Variants in SEPTIN9 observed in about 807,000 individuals in gnomAD.
The protein encoded by SEPTIN9 is septin 9.
In SEPTIN9, 13 loss-of-function variants were observed where a neutral mutation model predicts 56.6. The observed-to-expected ratio is 0.23, with a 90% CI of 0.15 to 0.37. SEPTIN9 has a LOEUF of 0.37. Ranked by LOEUF, SEPTIN9 falls within the 10% of genes least tolerant of loss-of-function variation. The pLI is 1.00. For missense variants in SEPTIN9, 650 were observed against 823.1 expected, an observed-to-expected ratio of 0.79 and a Z score of 2.57; for synonymous variants, 332 against 334.1, an observed-to-expected ratio of 0.99 and a Z score of 0.07.
At chr17:77,497,283 G>T in intron 10 of SEPTIN9, 32 bp from the exon 11 acceptor site, 1 of 1,607,072 alleles carries the variant, frequency 6.2e-7, no homozygotes, top group Non-Finnish European at 8.5e-7. Flanking sequence ...TCTCCACTGG[G>T]ACATTAAAGC....
At chr17:77,446,323 C>T (rs896458063) in intron 3 of SEPTIN9, 1 of 166,304 alleles carries the variant, frequency 6.0e-6, no homozygotes, top group Non-Finnish European at 1.5e-5. Context: ...CATCCTCCTA[C>T]AGCCTCCTCC....
At position 77,450,870 on chromosome 17, in the gene SEPTIN9, G is replaced by T; in HGVS notation, c.722-31274G>T. Reference sequence around the variant, plus strand: ...CCAGCCAGCAAGCACCTGGGGTAGAGGGGACAAACCCAGGTGGCTGTGTTC... The same window carrying T: ...CCAGCCAGCAAGCACCTGGGGTAGATGGGACAAACCCAGGTGGCTGTGTTC... On this transcript the variant is annotated intron_variant, in intron 3 of 11. Transcript: ENST00000427177. The surrounding 1 kb of genome is among the most constrained non-coding windows in gnomAD (Gnocchi z 6.0). 1.4e-5 allele frequency: 13 copies of T among 931,040 alleles called. No homozygotes were observed. Among genetic ancestry groups the T allele is most frequent in the Non-Finnish European group, 1.7e-5 (13 of 780,280 alleles). 57.7% of individuals were successfully genotyped at this position (931,040 alleles called of 1,614,324 possible).
chr17:77,498,611 A>G lies in SEPTIN9; in HGVS notation c.1714A>G (p.Met572Val), dbSNP rs763179188. 1 of 1,608,502 alleles carries G rather than the reference A, an allele frequency of 6.2e-7. No individual in the cohort carries two copies. Among genetic ancestry groups the G allele is most frequent in the Non-Finnish European group, 8.5e-7 (1 of 1,177,730 alleles). Residue 572 changes from methionine to valine, a missense_variant, in exon 12 of 12, where the codon ATG (methionine) becomes GTG (valine). Transcript: ENST00000427177. ...GCGCCTCAACGAGGGCAGCAGCGCC[A>G]TGGCCAACGGCATGGAGGAGAAGGA... ...VKRLNEGSSA[M>V]ANGMEEKEPE...
intron 2 of SEPTIN9, chr17:77,320,297 CTCCCGCCGCTGCTAAATATA>C: frequency 6.2e-7 from 1 of 1,612,156 alleles, no homozygotes; most frequent in Non-Finnish European, 8.5e-7. Context: ...GACGCCGGGA[CTCCCGCCGCTGCTAAATATA>C]TCCGTAGGAA....
chr17:77,470,537 TCCA>T (rs1418038432), intron 3 of SEPTIN9, among the ~76,000 whole-genome samples: 1 of 151,920 alleles, frequency 6.6e-6, no homozygotes, highest in Non-Finnish European at 1.5e-5. Context: ...TATCCACTCA[TCCA>T]CCAATTCACT....
chr17:77,313,368 C>T lies in SEPTIN9; in HGVS notation c.76+6171C>T, dbSNP rs567324792. Among the ~76,000 whole-genome samples, 3 of 152,390 alleles carry T rather than the reference C, an allele frequency of 2.0e-5. No individual in the cohort carries two copies. Among genetic ancestry groups the T allele is most frequent in the Non-Finnish European group, 4.4e-5 (3 of 68,038 alleles). On this transcript the variant is annotated intron_variant, in intron 2 of 11. Transcript: ENST00000427177. This position sits in a 1 kb window ranked among gnomAD's most constrained non-coding sequence, Gnocchi z 4.5. ...TTCCTTCCACGCTGACCTGGAAGGA[C>T]TCCTAAAGCAACAGGCCTGCCCAGG...
Position 77,445,226 on chromosome 17 carries a change from C to T in SEPTIN9, c.722-36918C>T. ...AGAAATGTGGGCTGCCTCGGGGCGT[C>T]ACAGCTACAAATGCATACCAGCCCT... On this transcript the variant is annotated intron_variant, in intron 3 of 11. Transcript: ENST00000427177. This position sits in a 1 kb window ranked among gnomAD's most constrained non-coding sequence, Gnocchi z 4.7. The T allele has an allele frequency of 2.1e-6, 1 of 470,980 alleles. No individual in the cohort carries two copies. 29.2% of individuals were successfully genotyped at this position (470,980 alleles called of 1,614,324 possible).
At chr17:77,298,332 A>G (rs2031903208) in intron 1 of SEPTIN9, among the ~76,000 whole-genome samples, 1 of 152,236 alleles carries the variant, frequency 6.6e-6, no homozygotes, top group Non-Finnish European at 1.5e-5. Flanking sequence ...CCTGATAACC[A>G]GGTCAATGTA....
intron 2 of SEPTIN9, among the ~76,000 whole-genome samples, chr17:77,360,203 A>G (rs974838783): frequency 6.6e-6 from 1 of 150,918 alleles, no homozygotes; most frequent in Non-Finnish European, 1.5e-5. Flanking sequence ...CTGTAGCCAC[A>G]TGGCCACCTT....
At chr17:77,337,421 T>C (rs1424948411) in intron 2 of SEPTIN9, among the ~76,000 whole-genome samples, 2 of 152,238 alleles carry the variant, frequency 1.3e-5, no homozygotes, top group Non-Finnish European at 2.9e-5. Flanking sequence ...TTAAGGATTT[T>C]TGCGTGTTGA....
In SEPTIN9 at chr17:77,486,517, TGTGTGCGCGCACGC is replaced by T. The variant is rs752811612; in HGVS notation, c.914-905_914-892del. Among the ~76,000 whole-genome samples the T allele has an allele frequency of 1.0e-3, 93 of 92,258 alleles. No individual in the cohort carries two copies. The East Asian group carries it at 0.013, about 13-fold the overall frequency. The allele number at this position is 92,258 out of a possible 152,430, so 60.5% of individuals were successfully genotyped here. ...GTGTGTGTGTGTGTGTGTGTGTGTGTGTGTGCGCGCACGCGCGCGCGTGTTATATGTGATTTGTT... is the reference window on the plus strand; with the variant it reads ...GTGTGTGTGTGTGTGTGTGTGTGTGTGCGCGCGTGTTATATGTGATTTGTT... On this transcript the variant is annotated intron_variant, in intron 4 of 11. Transcript: ENST00000427177.
intron 3 of SEPTIN9, among the ~76,000 whole-genome samples, chr17:77,457,006 C>G (rs1405049730): frequency 6.6e-6 from 1 of 152,230 alleles, no homozygotes; most frequent in Non-Finnish European, 1.5e-5. Flanking sequence ...GGCACTAAGC[C>G]ATCACTGCGG....
intron 2 of SEPTIN9, among the ~76,000 whole-genome samples, chr17:77,346,373 G>A (rs2033897626): frequency 7.3e-6 from 1 of 136,304 alleles, no homozygotes; most frequent in African/African-American, 2.8e-5. Context: ...ACGTATTTTA[G>A]TATGCTGTGT....
intron 2 of SEPTIN9, among the ~76,000 whole-genome samples, chr17:77,322,308 C>G (rs904093842): frequency 6.6e-6 from 1 of 152,204 alleles, no homozygotes; most frequent in Non-Finnish European, 1.5e-5. Context: ...CCCCAGAGAC[C>G]ACTCTGATCC....
rs2036710703 is a variant in SEPTIN9 at position 77,421,735 on chromosome 17, C to T, written c.721+19032C>T. Among the ~76,000 whole-genome samples, 1 of 152,182 alleles carries T rather than the reference C, an allele frequency of 6.6e-6. No individual in the cohort carries two copies. The highest frequency in any genetic ancestry group is 2.1e-4 in the South Asian group (1 of 4,830). ...ACGTCTTTCCCCAGGCACTTCCTCT[C>T]ACCGTGCCAGGGTGCAGGTTGCTAG... On this transcript the variant is annotated intron_variant, in intron 3 of 11. Coordinates refer to ENST00000427177, the MANE Select transcript of SEPTIN9 (RefSeq NM_001113491.2). This position sits in a 1 kb window ranked among gnomAD's most constrained non-coding sequence, Gnocchi z 4.6.
At chr17:77,489,128 T>G (rs1250387846) in intron 7 of SEPTIN9, among the ~76,000 whole-genome samples, 1 of 152,240 alleles carries the variant, frequency 6.6e-6, no homozygotes, top group African/African-American at 2.4e-5. Flanking sequence ...TGGGCTGTTC[T>G]GGAGCCTGGT....
At chr17:77,281,664 C>T in intron 1 of SEPTIN9, 110 bp downstream of exon 1, 2 of 1,099,758 alleles carry the variant, frequency 1.8e-6, no homozygotes. Flanking sequence ...GAGCGAGTCC[C>T]CGCGGCGGGC....
At chr17:77,346,998 C>G (rs1469030370) in intron 2 of SEPTIN9, among the ~76,000 whole-genome samples, 1 of 152,160 alleles carries the variant, frequency 6.6e-6, no homozygotes, top group Non-Finnish European at 1.5e-5. Flanking sequence ...GCCTCTAGAA[C>G]TGTGAGCACT....
At chr17:77,462,233 C>T (rs188685933) in intron 3 of SEPTIN9, among the ~76,000 whole-genome samples, 3 of 152,332 alleles carry the variant, frequency 2.0e-5, no homozygotes, top group Non-Finnish European at 4.4e-5. Flanking sequence ...AACCGTTAGC[C>T]TGAGCGGTTT....
Sources: allele counts gnomAD v4.1 joint callset (sites outside exome capture counted in the v4.1 genomes callset), GRCh38; gene constraint gnomAD v4.1.1; non-coding constraint Gnocchi (gnomAD v3.1); transcripts MANE v1.5; gene names NCBI Gene and HGNC (gene_info 2026-07-23, HGNC 2026-07-21).